The following FAM117A variants were observed in gnomAD, a reference collection of about 807,000 sequenced individuals.
FAM117A encodes the protein protein FAM117A.
Under a neutral mutation model 44.1 loss-of-function variants are expected in FAM117A, and 21 were observed. The ratio of observed to expected loss-of-function variants is 0.48; its 90% CI spans 0.34 to 0.69. The LOEUF is 0.69. FAM117A is among the 30% of genes least tolerant of loss of function. The probability of loss-of-function intolerance (pLI) is 0.01; values close to 1 mark genes in which losing one functional copy is unlikely to be tolerated. For missense variants in FAM117A, 498 were observed against 589.9 expected, an observed-to-expected ratio of 0.84 and a Z score of 1.61; for synonymous variants, 220 against 238.3, an observed-to-expected ratio of 0.92 and a Z score of 0.71.
chr17:49,714,035 AAG>A (rs1219968258), intron 7 of FAM117A, among the ~76,000 whole-genome samples: 1 of 152,106 alleles, frequency 6.6e-6, no homozygotes, highest in Non-Finnish European at 1.5e-5. Flanking sequence ...GGGAATGGGC[AAG>A]AGAGAGAACG....
intron 1 of FAM117A, 46 bp downstream of exon 1, chr17:49,763,845 CT>C (rs2073733532): frequency 9.4e-7 from 1 of 1,061,168 alleles, no homozygotes; most frequent in Non-Finnish European, 1.2e-6. Context: ...CGCGCCCCCC[CT>C]CCCCCAATGG....
intron 1 of FAM117A, among the ~76,000 whole-genome samples, chr17:49,769,587 C>T (rs2073755124): frequency 6.6e-6 from 1 of 151,716 alleles, no homozygotes; most frequent in African/African-American, 2.4e-5. Context: ...GTAGTCCCAG[C>T]TACTCTACTC....
At chr17:49,719,653 C>T (rs1044591249) in intron 5 of FAM117A, 107 bp downstream of exon 5, 10 of 1,329,576 alleles carry the variant, frequency 7.5e-6, no homozygotes, top group South Asian at 1.6e-5. Context: ...CTGCTGTTTG[C>T]GTAGCCATAG....
intron 5 of FAM117A, among the ~76,000 whole-genome samples, chr17:49,718,492 C>A (rs1018481866): frequency 6.6e-6 from 1 of 151,444 alleles, no homozygotes; most frequent in East Asian, 1.9e-4. Context: ...CAAAGTGAAA[C>A]CCCGTCTCTA....
At chr17:49,762,345 T>C in intron 1 of FAM117A, among the ~76,000 whole-genome samples, 1 of 152,238 alleles carries the variant, frequency 6.6e-6, no homozygotes, top group Admixed American at 6.5e-5. Context: ...GTTTGCTTTA[T>C]AACTCATGAT....
intron 7 of FAM117A, among the ~76,000 whole-genome samples, chr17:49,713,108 G>A (rs2073486165): frequency 6.6e-6 from 1 of 152,092 alleles, no homozygotes; most frequent in African/African-American, 2.4e-5. Flanking sequence ...GGCTGGTCTT[G>A]AACTCCTGGG....
intron 1 of FAM117A, among the ~76,000 whole-genome samples, chr17:49,772,258 T>A (rs778176369): frequency 6.6e-6 from 1 of 151,534 alleles, no homozygotes; most frequent in African/African-American, 2.4e-5. Flanking sequence ...TGTCACTACA[T>A]TCTAGCCTGG....
intron 1 of FAM117A, among the ~76,000 whole-genome samples, chr17:49,741,460 G>A (rs1215149210): frequency 3.3e-5 from 5 of 152,128 alleles, no homozygotes; most frequent in African/African-American, 9.7e-5. Flanking sequence ...CTCCATGCAC[G>A]AGCCTGCATA....
intron 1 of FAM117A, among the ~76,000 whole-genome samples, chr17:49,741,334 A>G (rs1179252985): frequency 6.6e-6 from 1 of 152,162 alleles, no homozygotes; most frequent in Admixed American, 6.5e-5. Flanking sequence ...AATAACTTAT[A>G]ACAGAAACTA....
intron 5 of FAM117A, chr17:49,718,153 T>C (rs918970455): frequency 6.5e-6 from 1 of 154,114 alleles, no homozygotes; most frequent in Non-Finnish European, 1.4e-5. Flanking sequence ...ATGATTAGCA[T>C]GTGTTACATA....
intron 2 of FAM117A, among the ~76,000 whole-genome samples, chr17:49,724,731 G>C (rs1050097873): frequency 6.1e-5 from 9 of 148,120 alleles, no homozygotes; most frequent in Non-Finnish European, 1.3e-4. Flanking sequence ...TGAGGCACGA[G>C]AATTGCTTGA....
chr17:49,738,730 G>A (rs1281236289), intron 1 of FAM117A, among the ~76,000 whole-genome samples: 1 of 151,996 alleles, frequency 6.6e-6, no homozygotes, highest in Non-Finnish European at 1.5e-5. Flanking sequence ...CCAAATTCTT[G>A]GCATGTCCCA....
intron 1 of FAM117A, among the ~76,000 whole-genome samples, chr17:49,735,249 G>T (rs1285159219): frequency 6.6e-6 from 1 of 152,108 alleles, no homozygotes; most frequent in Non-Finnish European, 1.5e-5. Context: ...AATTAGCCGG[G>T]CGTGGTGGTG....
In FAM117A at chr17:49,710,970, G is replaced by A; in HGVS notation, c.*285C>T. 3.0e-6 allele frequency: 1 copy of A among 338,154 alleles called. No individual in the cohort carries two copies. The highest frequency in any genetic ancestry group is 7.1e-5 in the South Asian group (1 of 14,046). The allele number at this position is 338,154 out of a possible 1,614,324, so 20.9% of individuals were successfully genotyped here. A position where few individuals can be genotyped will look rare whatever the true frequency, so the allele number is the denominator to read the frequency against. On this transcript the variant is annotated 3_prime_UTR_variant, in exon 8 of 8. Transcript: ENST00000240364. Reference sequence around the variant, plus strand: ...ATTTGGACTGACACCCAGGGGTGGGGGACTCAAGACCTTCTGGGTGTTTTC... The same window carrying A: ...ATTTGGACTGACACCCAGGGGTGGGAGACTCAAGACCTTCTGGGTGTTTTC...
chr17:49,722,675 G>C, intron 2 of FAM117A, 81 bp from the exon 3 acceptor site: 1 of 1,138,306 alleles, frequency 8.8e-7, no homozygotes. Context: ...TCTGGGTAGA[G>C]GTGATGGCCC....
chr17:49,750,836 A>G (rs1440427111), intron 1 of FAM117A, among the ~76,000 whole-genome samples: 1 of 152,218 alleles, frequency 6.6e-6, no homozygotes, highest in Non-Finnish European at 1.5e-5. Flanking sequence ...ATATAAGATT[A>G]TTAGTTACTA....
chr17:49,771,963 T>C (rs1224554581), intron 1 of FAM117A, among the ~76,000 whole-genome samples: 1 of 152,148 alleles, frequency 6.6e-6, no homozygotes, highest in Non-Finnish European at 1.5e-5. Context: ...TCCCACTCCC[T>C]TCCCTTCACA....
intron 1 of FAM117A, among the ~76,000 whole-genome samples, chr17:49,778,777 C>T (rs2143803928): frequency 6.6e-6 from 1 of 152,314 alleles, no homozygotes; most frequent in Admixed American, 6.5e-5. Flanking sequence ...ACACTGCCCT[C>T]ATGGAACTTA....
At chr17:49,765,097 C>G (rs1399618543), upstream of FAM117A, among the ~76,000 whole-genome samples, 1 of 152,004 alleles carries the variant, frequency 6.6e-6, no homozygotes, top group Non-Finnish European at 1.5e-5. Context: ...GTGAAAAGCA[C>G]ATGATATAAT....
Sources: gnomAD v4.1 joint callset for allele counts (sites outside exome capture counted in the v4.1 genomes callset) on GRCh38, gnomAD v4.1.1 for gene constraint, MANE v1.5 for transcripts, NCBI Gene and HGNC (gene_info 2026-07-23, HGNC 2026-07-21) for gene names.